The following HAUS6 variants were observed in gnomAD, a reference collection of about 807,000 sequenced individuals.
HAUS6 encodes the protein HAUS augmin-like complex subunit 6.
HAUS6 carries 80 observed loss-of-function variants against 106.8 expected under a neutral mutation model. The ratio of observed to expected loss-of-function variants is 0.75; its 90% CI spans 0.63 to 0.90. The LOEUF (loss-of-function observed/expected upper bound fraction) is 0.90. Among genes scored for constraint, HAUS6 ranks in the 40% least tolerant of loss-of-function variants. HAUS6 has a pLI of 0.00. For missense variants in HAUS6, 1,155 were observed against 1,118.1 expected (o/e 1.03, Z -0.47); for synonymous variants, 356 against 379.1 (o/e 0.94, Z 0.71).
At chr9:19,091,460 C>G (rs1400123009) in intron 4 of HAUS6, among the ~76,000 whole-genome samples, 1 of 151,968 alleles carries the variant, frequency 6.6e-6, no homozygotes, top group Non-Finnish European at 1.5e-5. Context: ...TTATTAAATC[C>G]AAACACACAT....
At chr9:19,087,657 C>A (rs1291001613) in intron 5 of HAUS6, among the ~76,000 whole-genome samples, 1 of 151,828 alleles carries the variant, frequency 6.6e-6, no homozygotes, top group Non-Finnish European at 1.5e-5. Flanking sequence ...GAGTTTGAGA[C>A]CAGCCTGGCT....
chr9:19,080,798 C>T (rs1249521869), intron 8 of HAUS6, 126 bp from the exon 9 acceptor site: 21 of 607,080 alleles, frequency 3.5e-5, no homozygotes, highest in Non-Finnish European at 5.7e-5. Flanking sequence ...CCAGACGCAA[C>T]GGCTCACACC....
rs372584901 is a variant in HAUS6, at chr9:19,056,426, G to T, written c.2807-22C>A. The T allele has an allele frequency of 1.2e-5, 16 of 1,341,234 alleles. No homozygotes were observed. In the Admixed American group the frequency reaches 2.2e-4, roughly 19 times the overall value. 83.1% of individuals were successfully genotyped at this position (1,341,234 alleles called of 1,614,324 possible). A position where few individuals can be genotyped will look rare whatever the true frequency, so the allele number is the denominator to read the frequency against. ...TCTTCTGCAAATTGATTTTAAAAAA[G>T]TATAAGCAAACATTACAAAGAAAAA... On this transcript the variant is annotated intron_variant, in intron 16 of 16. Coordinates refer to ENST00000380502, the MANE Select transcript of HAUS6 (RefSeq NM_017645.5).
chr9:19,097,917 T>C (rs1458120149), intron 1 of HAUS6, among the ~76,000 whole-genome samples: 1 of 152,186 alleles, frequency 6.6e-6, no homozygotes, highest in East Asian at 1.9e-4. Context: ...TGACTTAGGA[T>C]TACTATTCTC....
Position 19,089,464 on chromosome 9 carries a change from G to T in HAUS6, c.532C>A (p.Gln178Lys). 1 of 1,612,102 alleles carries T rather than the reference G, an allele frequency of 6.2e-7. No homozygotes were observed. The highest frequency in any genetic ancestry group is 8.5e-7 in the Non-Finnish European group (1 of 1,178,266). ...RCHFARSRFLQILQRQDCVTQ... is the reference protein window; with the variant it reads ...RCHFARSRFLKILQRQDCVTQ... ...ACACAATCTTGTCTTTGCAAAATTT[G>T]TAAAAATCTGCTACGTGCGAAATGG... The change falls in exon 5 of 17, where the codon CAA (glutamine) becomes AAA (lysine). Residue 178 changes from glutamine (Q) to lysine (K), a missense_variant. This residue lies in a region of HAUS6 where 761 missense variants were observed against 690.0 expected (regional missense o/e 1.10). Coordinates refer to ENST00000380502, the MANE Select transcript of HAUS6 (RefSeq NM_017645.5).
chr9:19,101,718 G>C (rs557342149), intron 1 of HAUS6, among the ~76,000 whole-genome samples: 1 of 152,110 alleles, frequency 6.6e-6, no homozygotes, highest in African/African-American at 2.4e-5. Flanking sequence ...TCAGGAGATC[G>C]AGACCATCCT....
At chr9:19,067,326 C>CT (rs1457398648) in intron 12 of HAUS6, among the ~76,000 whole-genome samples, 1 of 152,134 alleles carries the variant, frequency 6.6e-6, no homozygotes, top group Non-Finnish European at 1.5e-5. Flanking sequence ...CTACATATAC[C>CT]TTTAACAGTG....
rs190293243 is a variant in HAUS6, at chr9:19,095,112, T to C, written c.225-717A>G. 2.3e-4 allele frequency among the ~76,000 whole-genome samples: 35 copies of C among 151,340 alleles called. No homozygotes were observed. The East Asian group carries it at 6.0e-3, about 26-fold the overall frequency. ...AGATATATATGAAGAAGAGAAAAAATGGCATACAAGATTATGACTCCTAGA... is the reference window on the plus strand; with the variant it reads ...AGATATATATGAAGAAGAGAAAAAACGGCATACAAGATTATGACTCCTAGA... On this transcript the variant is annotated intron_variant, in intron 2 of 16. Transcript: ENST00000380502.
chr9:19,061,645 G>C (rs573177070), intron 14 of HAUS6, among the ~76,000 whole-genome samples: 1 of 152,094 alleles, frequency 6.6e-6, no homozygotes, highest in Non-Finnish European at 1.5e-5. Context: ...GACCAACCTG[G>C]GCAAAAGAGT....
intron 1 of HAUS6, among the ~76,000 whole-genome samples, chr9:19,100,971 T>A (rs934962475): frequency 6.6e-6 from 1 of 152,114 alleles, no homozygotes; most frequent in African/African-American, 2.4e-5. Flanking sequence ...AGAAGTTGAT[T>A]AATGGGTACA....
intron 16 of HAUS6, chr9:19,057,727 G>T: frequency 2.3e-6 from 1 of 429,078 alleles, no homozygotes; most frequent in East Asian, 3.3e-5. Flanking sequence ...GTAAGCTTCA[G>T]ATTGGGGGGG....
rs1454273813 is a variant in HAUS6 at position 19,080,561 on chromosome 9, C to G, written c.982G>C (p.Ala328Pro). 6.2e-7 allele frequency: 1 copy of G among 1,603,304 alleles called. No individual in the cohort carries two copies. The highest frequency in any genetic ancestry group is 1.7e-5 in the Admixed American group (1 of 59,956). ...MKYERCQADQ[A>P]RLTVDLHYLE... ...TAGTGAAGGTCTACCGTCAATCTTG[C>G]TTGATCAGCCTGACAACGTTCATAT... The change falls in exon 9 of 17, where the codon GCA becomes CCA. Residue 328 changes from alanine (A) to proline (P), a missense_variant. Ala to Pro is a conservative substitution (Grantham distance 27, BLOSUM62 -1). Transcript: ENST00000380502.
intron 4 of HAUS6, among the ~76,000 whole-genome samples, chr9:19,090,158 A>C (rs1431629229): frequency 1.3e-5 from 2 of 152,064 alleles, no homozygotes. Flanking sequence ...TAATGAAAGT[A>C]AGATGACCTT....
rs7470521 is a variant in HAUS6 at position 19,083,757 on chromosome 9, G to A, written c.700-714C>T. 4.2e-3 allele frequency among the ~76,000 whole-genome samples: 623 copies of A among 149,872 alleles called. 3 individuals carry two copies. The highest frequency in any genetic ancestry group is 0.015 in the African/African-American group (598 of 40,598). ...GCGGAGCTTGCAGTAAGCCAAGATC[G>A]CGCCACTGCACTCCAGCCTAGGGGA... On this transcript the variant is annotated intron_variant, in intron 7 of 16. Coordinates refer to ENST00000380502, the MANE Select transcript of HAUS6 (RefSeq NM_017645.5).
At chr9:19,090,297 C>T (rs372033610) in intron 4 of HAUS6, among the ~76,000 whole-genome samples, 12 of 152,096 alleles carry the variant, frequency 7.9e-5, no homozygotes, top group African/African-American at 2.9e-4. Flanking sequence ...CATTTATATC[C>T]GTAATAGTGT....
In HAUS6 at chr9:19,058,438, G is replaced by A; in HGVS notation, c.2329C>T (p.His777Tyr). 6.2e-7 allele frequency: 1 copy of A among 1,600,980 alleles called. No homozygotes were observed. Among genetic ancestry groups the A allele is most frequent in the Non-Finnish European group, 8.5e-7 (1 of 1,169,870 alleles). ...CCAACTTCTTCCGGGAGAGTTTCGT[G>A]TAATATGCCAAAATCATTATCTTTA... is the stretch of plus-strand genomic sequence containing the variant. ...SFKDNDFGIL[H>Y]ETLPEEVGHL... Residue 777 changes from histidine to tyrosine, a missense_variant, in exon 16 of 17, where the codon CAC (histidine) becomes TAC (tyrosine). Around this residue, in one of 3 missense-constraint regions of HAUS6, gnomAD observed 380 missense variants for 394.8 expected, o/e 0.96. Transcript: ENST00000380502.
chr9:19,094,768 G>A (rs1817826086), intron 2 of HAUS6, among the ~76,000 whole-genome samples: 1 of 152,034 alleles, frequency 6.6e-6, no homozygotes, highest in Non-Finnish European at 1.5e-5. Context: ...TGCAGCCTGG[G>A]TGACCCTGTC....
intron 5 of HAUS6, among the ~76,000 whole-genome samples, chr9:19,088,837 T>C (rs545507157): frequency 1.3e-5 from 2 of 152,142 alleles, no homozygotes; most frequent in South Asian, 2.1e-4. Flanking sequence ...AAGATTGCAC[T>C]ACTGCACTCA....
intron 5 of HAUS6, among the ~76,000 whole-genome samples, chr9:19,089,176 G>C (rs998133247): frequency 1.3e-5 from 2 of 152,086 alleles, no homozygotes; most frequent in Admixed American, 1.3e-4. Flanking sequence ...CTAGGAAGCA[G>C]AGGCTGCAGT....
Sources: gnomAD v4.1 joint callset for allele counts (sites outside exome capture counted in the v4.1 genomes callset) on GRCh38, gnomAD v4.1.1 for gene constraint, gnomAD v4.1.1 regional missense constraint, MANE v1.5 for transcripts, NCBI Gene and HGNC (gene_info 2026-07-23, HGNC 2026-07-21) for gene names.